Variants in EPS8 observed in about 807,000 individuals in gnomAD.
EPS8 encodes EGFR pathway substrate 8, signaling adaptor.
A neutral mutation model predicts 103.8 loss-of-function variants in EPS8; 42 were observed. The observed-to-expected ratio is 0.40, with a 90% confidence interval of 0.32 to 0.52. EPS8 has a LOEUF of 0.52. Among genes scored for constraint, EPS8 ranks in the 20% least tolerant of loss-of-function variants. The probability of loss-of-function intolerance (pLI) is 0.40; values close to 1 mark genes in which losing one functional copy is unlikely to be tolerated. For synonymous variants in EPS8, 344 were observed against 344.6 expected (o/e 1.00, Z 0.02); for missense variants, 969 against 1,005.1 (o/e 0.96, Z 0.49).
At chr12:15,711,110 G>A (rs1946457710) in intron 1 of EPS8, among the ~76,000 whole-genome samples, 1 of 151,318 alleles carries the variant, frequency 6.6e-6, no homozygotes, top group Admixed American at 6.6e-5. Context: ...TCACTATGAT[G>A]CCCAGGCTGG....
At chr12:15,660,815 T>C (rs1020902511) in intron 9 of EPS8, 75 bp from the exon 10 acceptor site, 10 of 860,038 alleles carry the variant, frequency 1.2e-5, no homozygotes, top group Non-Finnish European at 1.4e-5. Context: ...TAGTAAATAA[T>C]AGAAAGGTTT....
At chr12:15,741,084 C>T (rs1192714255) in intron 1 of EPS8, among the ~76,000 whole-genome samples, 2 of 152,184 alleles carry the variant, frequency 1.3e-5, no homozygotes, top group Non-Finnish European at 1.5e-5. Context: ...CTAAAAAATG[C>T]TCTTCACCAA....
intron 15 of EPS8, among the ~76,000 whole-genome samples, chr12:15,645,861 T>C (rs1945311042): frequency 6.6e-6 from 1 of 152,208 alleles, no homozygotes; most frequent in African/African-American, 2.4e-5. Flanking sequence ...CAATATGTAC[T>C]CTACATATGT....
At chr12:15,774,201 G>A (rs1172567579) in intron 1 of EPS8, among the ~76,000 whole-genome samples, 3 of 151,800 alleles carry the variant, frequency 2.0e-5, no homozygotes, top group Non-Finnish European at 4.4e-5. Flanking sequence ...GAATAAGAAG[G>A]AATAACCAAA....
At chr12:15,652,682 T>C (rs147289530) in intron 13 of EPS8, among the ~76,000 whole-genome samples, 1,674 of 152,264 alleles carry the variant, frequency 0.011, 14 homozygotes, top group Middle Eastern at 0.044. Context: ...TACTAGTACA[T>C]AAATAATATA....
chr12:15,776,815 C>T lies in EPS8; in HGVS notation c.-22+12346G>A, dbSNP rs144150622. On this transcript the variant is annotated intron_variant, in intron 1 of 20. Coordinates refer to ENST00000281172, the MANE Select transcript of EPS8 (RefSeq NM_004447.6). The surrounding 1 kb of genome is among the most constrained non-coding windows in gnomAD (Gnocchi z 4.2). Reference sequence around the variant, plus strand: ...AAACTATTTTTATATCAGATTCTACCACCACTTGTTTTCCCAATCATTTTA... The same window carrying T: ...AAACTATTTTTATATCAGATTCTACTACCACTTGTTTTCCCAATCATTTTA... Among the ~76,000 whole-genome samples the T allele has an allele frequency of 6.6e-6, 1 of 152,220 alleles. No individual in the cohort carries two copies. Among genetic ancestry groups the T allele is most frequent in the African/African-American group, 2.4e-5 (1 of 41,558 alleles).
intron 14 of EPS8, among the ~76,000 whole-genome samples, chr12:15,649,195 A>C (rs1369876811): frequency 2.6e-5 from 4 of 152,212 alleles, no homozygotes; most frequent in African/African-American, 9.6e-5. Flanking sequence ...CTCTTTTAAA[A>C]TTAATTATTC....
At chr12:15,636,634 T>C (rs1008933207) in intron 17 of EPS8, among the ~76,000 whole-genome samples, 3 of 152,320 alleles carry the variant, frequency 2.0e-5, no homozygotes, top group South Asian at 2.1e-4. Context: ...CCATTATTTA[T>C]ATATATGTCT....
At chr12:15,691,228 G>C (rs985770882) in intron 1 of EPS8, among the ~76,000 whole-genome samples, 2 of 150,322 alleles carry the variant, frequency 1.3e-5, no homozygotes, top group African/African-American at 4.9e-5. Context: ...CTCCCTGAAA[G>C]AATGACTAGA....
rs144197718 is a variant in EPS8 at position 15,780,980 on chromosome 12, G to A, written c.-22+8181C>T. Reference sequence around the variant, plus strand: ...GGCTGACACATATGGTCATATGTTGGCCTTAAATACATCAGGGAACTTAAC... The same window carrying A: ...GGCTGACACATATGGTCATATGTTGACCTTAAATACATCAGGGAACTTAAC... On this transcript the variant is annotated intron_variant, in intron 1 of 20. Transcript: ENST00000281172. This position sits in a 1 kb window ranked among gnomAD's most constrained non-coding sequence, Gnocchi z 4.1. 3.3e-5 allele frequency among the ~76,000 whole-genome samples: 5 copies of A among 152,230 alleles called. No individual in the cohort carries two copies. The East Asian group carries it at 9.7e-4, about 29-fold the overall frequency.
intron 18 of EPS8, among the ~76,000 whole-genome samples, chr12:15,627,007 C>CT (rs528069900): frequency 9.1e-4 from 135 of 147,662 alleles, no homozygotes; most frequent in East Asian, 4.5e-3. Context: ...TGTCTATCAT[C>CT]TTTTTTTTTT....
At position 15,721,483 on chromosome 12, in the gene EPS8, A is replaced by C. The variant is rs1946594918; in HGVS notation, c.-21-38511T>G. Among the ~76,000 whole-genome samples the C allele has an allele frequency of 1.3e-5, 2 of 152,194 alleles. No homozygotes were observed. The highest frequency in any genetic ancestry group is 4.8e-5 in the African/African-American group (2 of 41,456). ...GTTTGTGGGGCTCAACAAAAAAGTAATCGTCTGGAAGCAGCCGGTTCTGTG... is the reference window on the plus strand; with the variant it reads ...GTTTGTGGGGCTCAACAAAAAAGTACTCGTCTGGAAGCAGCCGGTTCTGTG... On this transcript the variant is annotated intron_variant, in intron 1 of 20. Transcript: ENST00000281172. This position sits in a 1 kb window ranked among gnomAD's most constrained non-coding sequence, Gnocchi z 4.4.
chr12:15,638,324 A>G (rs1440129749), intron 17 of EPS8, among the ~76,000 whole-genome samples: 1 of 152,098 alleles, frequency 6.6e-6, no homozygotes, highest in Non-Finnish European at 1.5e-5. Flanking sequence ...ATCCTTTTAG[A>G]GTAGGATTTA....
rs534847884 is a variant in EPS8, at chr12:15,721,455, G to T, written c.-21-38483C>A. ...CTACATAATACTCAGCTAAAAGAAC[G>T]AGGTTTGTGGGGCTCAACAAAAAAG... On this transcript the variant is annotated intron_variant, in intron 1 of 20. Coordinates refer to ENST00000281172, the MANE Select transcript of EPS8 (RefSeq NM_004447.6). The surrounding 1 kb of genome is among the most constrained non-coding windows in gnomAD (Gnocchi z 4.4). 6.6e-6 allele frequency among the ~76,000 whole-genome samples: 1 copy of T among 152,104 alleles called. No homozygotes were observed. The highest frequency in any genetic ancestry group is 1.5e-5 in the Non-Finnish European group (1 of 68,026).
intron 8 of EPS8, among the ~76,000 whole-genome samples, chr12:15,663,593 A>C (rs1945645328): frequency 6.6e-6 from 1 of 152,180 alleles, no homozygotes; most frequent in Non-Finnish European, 1.5e-5. Flanking sequence ...ATGAAAGCTC[A>C]GAAACCCCTA....
rs1947220740 is a variant in EPS8, at chr12:15,777,671, CT to C, written c.-22+11489del. On this transcript the variant is annotated intron_variant, in intron 1 of 20. Coordinates refer to ENST00000281172, the MANE Select transcript of EPS8 (RefSeq NM_004447.6). This position sits in a 1 kb window ranked among gnomAD's most constrained non-coding sequence, Gnocchi z 4.7. ...AAGAGTTAGAATAGTAATTGGAAAGCTATCAAAGTTATGAAAAATATACTTT... is the reference window on the plus strand; with the variant it reads ...AAGAGTTAGAATAGTAATTGGAAAGCATCAAAGTTATGAAAAATATACTTT... Among the ~76,000 whole-genome samples the C allele has an allele frequency of 6.6e-6, 1 of 152,072 alleles. No individual in the cohort carries two copies. The highest frequency in any genetic ancestry group is 2.4e-5 in the African/African-American group (1 of 41,396).
At chr12:15,686,996 T>G (rs943729375) in intron 1 of EPS8, among the ~76,000 whole-genome samples, 4 of 152,108 alleles carry the variant, frequency 2.6e-5, no homozygotes, top group African/African-American at 9.7e-5. Flanking sequence ...TGTCTCCCAG[T>G]CTAAGTTACA....
At chr12:15,737,567 T>C (rs1357449725) in intron 1 of EPS8, among the ~76,000 whole-genome samples, 3 of 152,178 alleles carry the variant, frequency 2.0e-5, no homozygotes. Flanking sequence ...TGAGGGAAGT[T>C]CTATTATTAT....
chr12:15,672,182 T>C (rs1262379719), intron 3 of EPS8, among the ~76,000 whole-genome samples: 1 of 152,172 alleles, frequency 6.6e-6, no homozygotes, highest in East Asian at 1.9e-4. Context: ...AAAGTTCTGC[T>C]GAACATAAAA....
Sources: allele counts gnomAD v4.1 joint callset (sites outside exome capture counted in the v4.1 genomes callset), GRCh38; gene constraint gnomAD v4.1.1; non-coding constraint Gnocchi (gnomAD v3.1); transcripts MANE v1.5; gene names NCBI Gene and HGNC (gene_info 2026-07-23, HGNC 2026-07-21).